The following SEC14L1 variants were observed in gnomAD, a reference collection of about 807,000 sequenced individuals.
SEC14L1 encodes SEC14 like lipid binding 1.
Under a neutral mutation model 85.3 loss-of-function variants are expected in SEC14L1, and 48 were observed. The observed-to-expected ratio is 0.56, with a 90% CI of 0.45 to 0.72. The LOEUF (loss-of-function observed/expected upper bound fraction) is 0.72, where lower values mean the gene tolerates loss of function less well. Among genes scored for constraint, SEC14L1 ranks in the 30% least tolerant of loss-of-function variants. SEC14L1 has a pLI of 0.00. For missense variants in SEC14L1, 682 were observed against 921.4 expected (o/e 0.74, Z 3.36); for synonymous variants, 391 against 355.5 (o/e 1.10, Z -1.12).
chr17:77,102,996 C>T (rs59680909), intron 3 of SEC14L1, among the ~76,000 whole-genome samples: 4,793 of 151,914 alleles, frequency 0.032, 261 homozygotes, highest in African/African-American at 0.11. Context: ...TTAGTAGAAG[C>T]GAGGTCTCAC....
Position 77,215,653 on chromosome 17 carries a change from T to C in SEC14L1, c.*1630T>C. On this transcript the variant is annotated 3_prime_UTR_variant, in exon 17 of 17. Coordinates refer to ENST00000436233, the MANE Select transcript of SEC14L1 (RefSeq NM_001143998.2). ...ATCACCTGCCTTTGGACCACATTTGTGTTTGCTCTTAGAGATCGAGCTCCT... is the reference window on the plus strand; with the variant it reads ...ATCACCTGCCTTTGGACCACATTTGCGTTTGCTCTTAGAGATCGAGCTCCT... 1 of 991,490 alleles carries C rather than the reference T, an allele frequency of 1.0e-6. No individual in the cohort carries two copies. Among genetic ancestry groups the C allele is most frequent in the Non-Finnish European group, 1.2e-6 (1 of 832,748 alleles). The allele number at this position is 991,490 out of a possible 1,614,324, so 61.4% of individuals were successfully genotyped here.
At chr17:77,144,943 T>C (rs1973210981) in intron 3 of SEC14L1, 1 of 151,876 alleles carries the variant, frequency 6.6e-6, no homozygotes, top group Non-Finnish European at 1.5e-5. Flanking sequence ...AGACGGAGTT[T>C]TGCTCTCGTC....
At position 77,216,188 on chromosome 17, in the gene SEC14L1, A is replaced by C. The variant is rs767236287; in HGVS notation, c.*2165A>C. Reference sequence around the variant, plus strand: ...GTAGGTAGGGCTAGTAGGTAGGGTTAGTAGGTAGGGCTAGTAGGTAGGGCT... The same window carrying C: ...GTAGGTAGGGCTAGTAGGTAGGGTTCGTAGGTAGGGCTAGTAGGTAGGGCT... On this transcript the variant is annotated 3_prime_UTR_variant, in exon 17 of 17. Coordinates refer to ENST00000436233, the MANE Select transcript of SEC14L1 (RefSeq NM_001143998.2). 3,081 of 709,642 alleles carry C rather than the reference A, an allele frequency of 4.3e-3. 271 individuals carry two copies. Among genetic ancestry groups the C allele is most frequent in the Admixed American group, 0.021 (183 of 8,858 alleles). 44.0% of individuals were successfully genotyped at this position (709,642 alleles called of 1,614,324 possible). A position where few individuals can be genotyped will look rare whatever the true frequency, so the allele number is the denominator to read the frequency against.
intron 13 of SEC14L1, among the ~76,000 whole-genome samples, chr17:77,207,240 CTT>C (rs903775714): frequency 1.5e-5 from 2 of 134,556 alleles, no homozygotes; most frequent in African/African-American, 5.4e-5. Flanking sequence ...CCTCCCCGTC[CTT>C]TTTTTTATGG....
At position 77,214,207 on chromosome 17, in the gene SEC14L1, G is replaced by C. The variant is rs1976924386; in HGVS notation, c.*184G>C. On this transcript the variant is annotated 3_prime_UTR_variant, in exon 17 of 17. Transcript: ENST00000436233. ...TACCTTGGCAGGTAGTTTTAACTCT[G>C]ATCCTAACTTAACTCAATAGCCATA... 1.4e-6 allele frequency: 2 copies of C among 1,398,538 alleles called. No homozygotes were observed. Among genetic ancestry groups the C allele is most frequent in the East Asian group, 5.3e-5 (2 of 38,088 alleles). 86.6% of individuals were successfully genotyped at this position (1,398,538 alleles called of 1,614,324 possible). A position where few individuals can be genotyped will look rare whatever the true frequency, so the allele number is the denominator to read the frequency against.
At chr17:77,143,868 A>G (rs1277446002) in intron 3 of SEC14L1, 4 of 430,354 alleles carry the variant, frequency 9.3e-6, no homozygotes, top group African/African-American at 8.2e-5. Flanking sequence ...AAAAAAATGC[A>G]CCTCAGGGTA....
chr17:77,126,640 C>A (rs1467490621), intron 3 of SEC14L1, among the ~76,000 whole-genome samples: 2 of 152,238 alleles, frequency 1.3e-5, no homozygotes, highest in Non-Finnish European at 2.9e-5. Flanking sequence ...TGAGCCAGGT[C>A]AAGCTCTTCT....
chr17:77,138,332 G>C (rs1202655923), upstream of SEC14L1, among the ~76,000 whole-genome samples: 1 of 152,112 alleles, frequency 6.6e-6, no homozygotes, highest in African/African-American at 2.4e-5. Context: ...GCAAGTAGGA[G>C]GTTGGTGGGC....
intron 3 of SEC14L1, among the ~76,000 whole-genome samples, chr17:77,116,069 C>A (rs972415222): frequency 1.3e-5 from 2 of 152,004 alleles, no homozygotes; most frequent in African/African-American, 4.8e-5. Context: ...CAGGTGCACA[C>A]CACCAGGTTC....
At chr17:77,193,366 AG>A (rs755913422) in intron 5 of SEC14L1, 54 bp from the exon 6 acceptor site, 1 of 1,517,846 alleles carries the variant, frequency 6.6e-7, no homozygotes, top group South Asian at 1.3e-5. Flanking sequence ...AGGAGCAGGC[AG>A]ATGATATTCT....
chr17:77,149,315 C>G (rs1037074879), intron 3 of SEC14L1, among the ~76,000 whole-genome samples: 1 of 152,170 alleles, frequency 6.6e-6, no homozygotes, highest in Non-Finnish European at 1.5e-5. Context: ...AGGACATAGT[C>G]TGTGGGCATG....
chr17:77,160,642 T>C (rs1004182254), intron 3 of SEC14L1, among the ~76,000 whole-genome samples: 6 of 152,264 alleles, frequency 3.9e-5, no homozygotes, highest in African/African-American at 1.2e-4. Flanking sequence ...TATAAAGATT[T>C]GTATTTAAAG....
At chr17:77,187,378 C>G (rs552829679) in intron 3 of SEC14L1, among the ~76,000 whole-genome samples, 4 of 151,942 alleles carry the variant, frequency 2.6e-5, no homozygotes, top group Non-Finnish European at 2.9e-5. Flanking sequence ...ATGCCCCCCC[C>G]CCACACCCCT....
chr17:77,209,290 G>A lies in SEC14L1; in HGVS notation c.1477-52G>A, dbSNP rs1406825533. The A allele has an allele frequency of 1.7e-5, 28 of 1,603,536 alleles. No homozygotes were observed. In the East Asian group the frequency reaches 3.8e-4, roughly 22 times the overall value. On this transcript the variant is annotated intron_variant, in intron 13 of 16. Coordinates refer to ENST00000436233, the MANE Select transcript of SEC14L1 (RefSeq NM_001143998.2). Reference sequence around the variant, plus strand: ...GTGCTGGCCGGTGTGTCTGGGTTTCGTGGGGTTGGTTTGTGTTTGCACAGG... The same window carrying A: ...GTGCTGGCCGGTGTGTCTGGGTTTCATGGGGTTGGTTTGTGTTTGCACAGG...
At chr17:77,098,365 G>T (rs1000136864) in intron 3 of SEC14L1, among the ~76,000 whole-genome samples, 2 of 152,002 alleles carry the variant, frequency 1.3e-5, no homozygotes, top group African/African-American at 4.8e-5. Flanking sequence ...CAGGCGTGGT[G>T]GTGCATACCT....
In SEC14L1 at chr17:77,209,360, G is replaced by A. The variant is rs1219676710; in HGVS notation, c.1495G>A (p.Gly499Arg). Residue 499 changes from glycine (G) to arginine (R), a missense_variant, in exon 14 of 17, where the codon GGA becomes AGA. Gly to Arg is a moderately radical substitution (Grantham distance 125). Around this residue, in one of 3 missense-constraint regions of SEC14L1, gnomAD observed 420 missense variants for 619.5 expected, o/e 0.68. Transcript: ENST00000436233. ...GECMCEVPEG[G>R]LVPKSLYRTA... is the part of the protein sequence containing the mutation. ...CTTCCAGTGCGAAGTGCCAGAGGGT[G>A]GACTGGTCCCCAAATCTCTGTACCG... 7 of 1,614,112 alleles carry A rather than the reference G, an allele frequency of 4.3e-6. No individual in the cohort carries two copies. The highest frequency in any genetic ancestry group is 1.1e-5 in the South Asian group (1 of 91,068).
chr17:77,199,992 A>T (rs1216229158), intron 8 of SEC14L1, among the ~76,000 whole-genome samples: 2 of 152,150 alleles, frequency 1.3e-5, no homozygotes, highest in African/African-American at 4.8e-5. Context: ...AACATGGGGA[A>T]ACCACATCTC....
At chr17:77,149,911 A>G (rs773888457) in intron 3 of SEC14L1, among the ~76,000 whole-genome samples, 1 of 149,400 alleles carries the variant, frequency 6.7e-6, no homozygotes, top group East Asian at 2.0e-4. Flanking sequence ...GTTGGTAAAC[A>G]CTCTCCTGGC....
chr17:77,216,653 C>A lies in SEC14L1; in HGVS notation c.*2630C>A, dbSNP rs995280081. ...TTGAATTGCAGCCATCCCCTGCCCC[C>A]TCCCAGGCTGAAGATCTGTTCTTTT... is the stretch of plus-strand genomic sequence containing the variant. On this transcript the variant is annotated 3_prime_UTR_variant, in exon 17 of 17. Transcript: ENST00000436233. The A allele has an allele frequency of 4.4e-6, 7 of 1,606,880 alleles. No homozygotes were observed. The highest frequency in any genetic ancestry group is 5.1e-6 in the Non-Finnish European group (6 of 1,174,618).
Sources: allele counts gnomAD v4.1 joint callset (sites outside exome capture counted in the v4.1 genomes callset), GRCh38; gene constraint gnomAD v4.1.1; regional missense constraint gnomAD v4.1.1; transcripts MANE v1.5; gene names NCBI Gene and HGNC (gene_info 2026-07-23, HGNC 2026-07-21).